The following ABITRAM variants were observed in gnomAD, a reference collection of about 807,000 sequenced individuals.
The protein encoded by ABITRAM is protein Abitram.
Under a neutral mutation model 22.9 loss-of-function variants are expected in ABITRAM, and 19 were observed. That is an observed-to-expected ratio of 0.83 (90% confidence interval 0.58 to 1.22). The LOEUF is 1.22. Ranked by LOEUF, ABITRAM falls within the 50% of genes most tolerant of loss-of-function variation. The pLI is 0.00. For synonymous variants in ABITRAM, 70 were observed against 73.9 expected, an observed-to-expected ratio of 0.95 and a Z score of 0.27; for missense variants, 215 against 220.2, an observed-to-expected ratio of 0.98 and a Z score of 0.15.
chr9:108,946,722 A>G (rs1425527649), intron 3 of ABITRAM, among the ~76,000 whole-genome samples: 1 of 152,244 alleles, frequency 6.6e-6, no homozygotes, highest in Non-Finnish European at 1.5e-5. Context: ...CTGTTCTCCC[A>G]GATCTGACAT....
chr9:108,943,144 A>AG (rs2132072431), downstream of ABITRAM: 10 of 1,068,944 alleles, frequency 9.4e-6, no homozygotes, highest in Non-Finnish European at 1.3e-5. Context: ...TCCATATGGA[A>AG]ATCTAAGGGA....
chr9:108,935,179 T>G (rs1455108094), intron 1 of ABITRAM, among the ~76,000 whole-genome samples: 1 of 152,218 alleles, frequency 6.6e-6, no homozygotes, highest in Admixed American at 6.5e-5. Flanking sequence ...TTAAAAAATA[T>G]ATATTGTAGC....
At chr9:108,942,188 T>C (rs961549807), downstream of ABITRAM, among the ~76,000 whole-genome samples, 4 of 152,138 alleles carry the variant, frequency 2.6e-5, no homozygotes, top group Non-Finnish European at 5.9e-5. Flanking sequence ...TACCTTACTT[T>C]TGGGAGTAGG....
chr9:108,935,487 A>G (rs1830168229), intron 1 of ABITRAM, 151 bp from the exon 2 acceptor site: 2 of 626,760 alleles, frequency 3.2e-6, no homozygotes, highest in Non-Finnish European at 5.7e-6. Flanking sequence ...ACCTTTAGGT[A>G]TGTCTTTTTG....
chr9:108,936,063 A>C (rs1304084357), intron 2 of ABITRAM: 1 of 521,880 alleles, frequency 1.9e-6, no homozygotes, highest in Non-Finnish European at 3.4e-6. Context: ...CTTCTACCCC[A>C]GTGCTACCTA....
chr9:108,948,775 CAAG>C (rs1457641933), intron 3 of ABITRAM, among the ~76,000 whole-genome samples: 3 of 151,906 alleles, frequency 2.0e-5, no homozygotes, highest in Admixed American at 6.6e-5. Context: ...TAAAAACTAC[CAAG>C]AAGAATTAAG....
intron 3 of ABITRAM, chr9:108,948,292 T>G (rs1320277920): frequency 3.3e-6 from 5 of 1,516,830 alleles, no homozygotes; most frequent in Non-Finnish European, 4.5e-6. Context: ...AAAATTGACT[T>G]TATAATATTA....
chr9:108,943,977 T>C (rs766320045), downstream of ABITRAM: 6 of 1,613,802 alleles, frequency 3.7e-6, no homozygotes, highest in South Asian at 4.4e-5. Flanking sequence ...TTGAAAAAGC[T>C]TGAACACTGG....
downstream of ABITRAM, chr9:108,942,882 A>T (rs1228628835): frequency 4.7e-5 from 75 of 1,611,316 alleles, no homozygotes; most frequent in Non-Finnish European, 6.1e-5. Flanking sequence ...CTGAAAAAAA[A>T]ATTACAAAAT....
In ABITRAM at chr9:108,935,631, C is replaced by T. The variant is rs759970917; in HGVS notation, c.80-7C>T. 1 of 1,609,562 alleles carries T rather than the reference C, an allele frequency of 6.2e-7. No homozygotes were observed. Among genetic ancestry groups the T allele is most frequent in the Admixed American group, 1.7e-5 (1 of 59,980 alleles). ...TCAGCCACCAACAGACTCATGTATT[C>T]TTCTAGATGTCAAAGGAAAATTTTG... is the stretch of plus-strand genomic sequence containing the variant. On this transcript the variant is annotated splice_region_variant and splice_polypyrimidine_tract_variant and intron_variant, in intron 1 of 5. Transcript: ENST00000322940.
At chr9:108,945,367 C>T (rs534206784), downstream of ABITRAM, among the ~76,000 whole-genome samples, 35 of 152,174 alleles carry the variant, frequency 2.3e-4, no homozygotes, top group African/African-American at 8.2e-4. Flanking sequence ...AAGTAAATCG[C>T]AGTTATACTG....
chr9:108,935,513 C>T lies in ABITRAM; in HGVS notation c.80-125C>T, dbSNP rs150607800. On this transcript the variant is annotated intron_variant, in intron 1 of 5. Coordinates refer to ENST00000322940, the MANE Select transcript of ABITRAM (RefSeq NM_017832.4). The stretch of plus-strand genomic sequence containing the variant: ...TGTCTTTTTGAGTAATGAAGGGATA[C>T]CCGTGATCAGCATGCAGCATGTATG... The T allele has an allele frequency of 4.3e-3, 3,136 of 728,442 alleles. 20 individuals are homozygous for T. Among genetic ancestry groups the T allele is most frequent in the Non-Finnish European group, 5.7e-3 (2,380 of 417,704 alleles). The allele number at this position is 728,442 out of a possible 1,614,324, so 45.1% of individuals were successfully genotyped here.
At chr9:108,943,069 T>G, downstream of ABITRAM, 1 of 1,582,502 alleles carries the variant, frequency 6.3e-7, no homozygotes, top group Non-Finnish European at 8.6e-7. Flanking sequence ...AGCATGCAAA[T>G]GATATTCTAA....
rs1830175199 is a variant in ABITRAM, at chr9:108,935,754, G to A, written c.131+65G>A. 3.0e-6 allele frequency: 3 copies of A among 990,408 alleles called. No homozygotes were observed. The Admixed American group carries it at 5.5e-5, about 18-fold the overall frequency. 61.4% of individuals were successfully genotyped at this position (990,408 alleles called of 1,614,324 possible). ...TTTCCTGGTATTGTAGCCTGGTATG[G>A]TCTTGTGGTCTTGGATTGAACAAAT... On this transcript the variant is annotated intron_variant, in intron 2 of 5. Transcript: ENST00000322940.
rs1280125191 is a variant in ABITRAM, at chr9:108,936,755, A to T, written c.261+318A>T. On this transcript the variant is annotated intron_variant, in intron 3 of 5. Coordinates refer to ENST00000322940, the MANE Select transcript of ABITRAM (RefSeq NM_017832.4). ...AAGATATTTTGTCCCTTCTAGTTGT[A>T]TTAAACTAGTATGTCGAGTTCTGTA... is the stretch of plus-strand genomic sequence containing the variant. 2.0e-5 allele frequency among the ~76,000 whole-genome samples: 3 copies of T among 152,270 alleles called. No homozygotes were observed. In the East Asian group the frequency reaches 5.8e-4, roughly 29 times the overall value.
intron 3 of ABITRAM, among the ~76,000 whole-genome samples, chr9:108,938,691 G>GT (rs68061115): frequency 2.8e-5 from 3 of 107,146 alleles, no homozygotes; most frequent in East Asian, 2.6e-4. Context: ...GAATTACAAA[G>GT]GGGGGGGGGG....
In ABITRAM at chr9:108,934,405, C is replaced by T; in HGVS notation, c.-82C>T. On this transcript the variant is annotated 5_prime_UTR_variant, in exon 1 of 6. Coordinates refer to ENST00000322940, the MANE Select transcript of ABITRAM (RefSeq NM_017832.4). ...GCGTGCGCACGACACGCGCTGTGCG[C>T]CGGAAGAGCACGCCCAGTCCGGGCT... The T allele has an allele frequency of 5.7e-6, 7 of 1,234,152 alleles. No individual in the cohort carries two copies. Among genetic ancestry groups the T allele is most frequent in the Non-Finnish European group, 7.7e-6 (7 of 907,634 alleles). 76.5% of individuals were successfully genotyped at this position (1,234,152 alleles called of 1,614,324 possible).
chr9:108,943,771 G>C, downstream of ABITRAM: 1 of 1,613,854 alleles, frequency 6.2e-7, no homozygotes. Context: ...AGAGGAATTA[G>C]CTTGTTTATT....
At chr9:108,943,670 G>T (rs180957286), downstream of ABITRAM, 3 of 1,565,770 alleles carry the variant, frequency 1.9e-6, no homozygotes, top group Non-Finnish European at 1.7e-6. Flanking sequence ...GATAAAGATA[G>T]ATGTGTGAAA....
Sources: gnomAD v4.1 joint callset for allele counts (sites outside exome capture counted in the v4.1 genomes callset) on GRCh38, gnomAD v4.1.1 for gene constraint, MANE v1.5 for transcripts, NCBI Gene and HGNC (gene_info 2026-07-23, HGNC 2026-07-21) for gene names.